The following EML1 variants were observed in gnomAD, a reference collection of about 807,000 sequenced individuals.
The protein encoded by EML1 is echinoderm microtubule-associated protein-like 1.
EML1 carries 27 observed loss-of-function variants against 110.4 expected under a neutral mutation model. The ratio of observed to expected loss-of-function variants is 0.24; its 90% CI spans 0.18 to 0.34. EML1 has a LOEUF of 0.34. EML1 is among the 10% of genes least tolerant of loss of function. EML1 has a pLI of 1.00. For missense variants in EML1, 741 were observed against 1,030.9 expected (o/e 0.72, Z 3.85); for synonymous variants, 344 against 385.8 (o/e 0.89, Z 1.27).
intron 1 of EML1, among the ~76,000 whole-genome samples, chr14:99,754,265 C>A (rs1566849899): frequency 5.9e-5 from 9 of 152,260 alleles, no homozygotes; most frequent in Admixed American, 5.9e-4. Flanking sequence ...TCATCTTAAT[C>A]CTGTCTCAGG....
upstream of EML1, chr14:99,792,884 G>C (rs1486356375): frequency 2.6e-5 from 4 of 152,282 alleles, no homozygotes; most frequent in Non-Finnish European, 5.9e-5. Context: ...GTGAGCCGCG[G>C]CGTGGAAACG....
At chr14:99,883,458 G>A (rs2059421977) in intron 4 of EML1, 1 of 151,502 alleles carries the variant, frequency 6.6e-6, no homozygotes, top group Non-Finnish European at 1.5e-5. Context: ...TCGAGCCTGG[G>A]AGGCTGAGAC....
intron 1 of EML1, among the ~76,000 whole-genome samples, chr14:99,848,520 AT>A (rs989235232): frequency 6.6e-6 from 1 of 152,194 alleles, no homozygotes; most frequent in Admixed American, 6.5e-5. Flanking sequence ...GCCACTTATA[AT>A]TAATGACATA....
At chr14:99,771,132 G>C (rs2140202439), upstream of EML1, among the ~76,000 whole-genome samples, 1 of 152,232 alleles carries the variant, frequency 6.6e-6, no homozygotes, top group African/African-American at 2.4e-5. Flanking sequence ...ACTAGATGCT[G>C]ACTTTTGCAG....
intron 1 of EML1, among the ~76,000 whole-genome samples, chr14:99,801,846 C>G (rs1361249229): frequency 6.6e-6 from 1 of 152,176 alleles, no homozygotes; most frequent in Non-Finnish European, 1.5e-5. Context: ...TTTAAACAAG[C>G]ACTCAAGTAC....
chr14:99,921,521 T>C (rs1391061547), intron 17 of EML1, among the ~76,000 whole-genome samples: 1 of 152,168 alleles, frequency 6.6e-6, no homozygotes, highest in East Asian at 1.9e-4. Context: ...GCTTGTGTTA[T>C]GGAAAATTTC....
chr14:99,803,872 C>T (rs557489300), intron 1 of EML1, among the ~76,000 whole-genome samples: 1 of 152,306 alleles, frequency 6.6e-6, no homozygotes, highest in South Asian at 2.1e-4. Context: ...GCACTTTAGC[C>T]CCAGCTGTCT....
chr14:99,892,482 C>T (rs1354806894), intron 5 of EML1, among the ~76,000 whole-genome samples: 1 of 152,120 alleles, frequency 6.6e-6, no homozygotes, highest in African/African-American at 2.4e-5. Flanking sequence ...GGATGTCCCA[C>T]TGTTTGACTT....
At chr14:99,897,480 A>G (rs2059690965) in intron 7 of EML1, among the ~76,000 whole-genome samples, 186 bp downstream of exon 7, 1 of 152,228 alleles carries the variant, frequency 6.6e-6, no homozygotes. Flanking sequence ...GTATTGGGAC[A>G]TAACTAAAGA....
At chr14:99,808,142 T>G (rs2058012065) in intron 1 of EML1, among the ~76,000 whole-genome samples, 1 of 152,214 alleles carries the variant, frequency 6.6e-6, no homozygotes, top group Admixed American at 6.5e-5. Context: ...CTGGTTTCCC[T>G]CTGCCCTGCA....
intron 17 of EML1, among the ~76,000 whole-genome samples, chr14:99,925,681 C>T (rs887709529): frequency 3.3e-5 from 5 of 152,190 alleles, no homozygotes; most frequent in African/African-American, 9.7e-5. Context: ...AAGTTCAGGC[C>T]GTTTCCATGT....
chr14:99,771,213 C>T (rs1397159925), upstream of EML1, among the ~76,000 whole-genome samples: 1 of 152,160 alleles, frequency 6.6e-6, no homozygotes, highest in Non-Finnish European at 1.5e-5. Context: ...AAAAAGACCC[C>T]ATACCCATTA....
At chr14:99,853,877 G>A (rs1325591610) in intron 2 of EML1, among the ~76,000 whole-genome samples, 5 of 152,172 alleles carry the variant, frequency 3.3e-5, no homozygotes, top group South Asian at 2.1e-4. Flanking sequence ...CACCATGTTG[G>A]CCAGGCCGGT....
intron 1 of EML1, among the ~76,000 whole-genome samples, chr14:99,841,145 G>A (rs987516843): frequency 6.6e-6 from 1 of 152,192 alleles, no homozygotes; most frequent in Non-Finnish European, 1.5e-5. Context: ...AAGTGGGAGG[G>A]CTCGTGTGGC....
chr14:99,885,388 G>A (rs992245949), intron 4 of EML1, among the ~76,000 whole-genome samples: 6 of 152,192 alleles, frequency 3.9e-5, no homozygotes, highest in African/African-American at 1.4e-4. Context: ...AAATATTGGT[G>A]TATCTAAACA....
rs967391724 is a variant in EML1, at chr14:99,939,277, G to A, written c.2272G>A (p.Asp758Asn). 1.9e-6 allele frequency: 3 copies of A among 1,614,208 alleles called. No homozygotes were observed. The highest frequency in any genetic ancestry group is 1.3e-5 in the African/African-American group (1 of 75,048). The change falls in exon 21 of 22, where the codon GAC becomes AAC. Residue 758 changes from aspartate (D) to asparagine (N), a missense_variant. By Grantham distance (23) the Asp-to-Asn change is conservative. Coordinates refer to ENST00000262233, the MANE Select transcript of EML1 (RefSeq NM_004434.3). The surrounding 1 kb of genome is among the most constrained non-coding windows in gnomAD (Gnocchi z 4.2). ...TGAGAAGAAACTCCTGTCAACAGGC[G>A]ACGACTTTGGCAAAGTGCACCTCTT... is the stretch of plus-strand genomic sequence containing the variant. ...AHEKKLLSTGDDFGKVHLFSY... is the reference protein window; with the variant it reads ...AHEKKLLSTGNDFGKVHLFSY...
Position 99,897,311 on chromosome 14 carries a change from G to A in EML1, c.827+17G>A. ...CGTGAAGTGGTAAGTCCTGAAACAG[G>A]TCATTCCTGCGACTCAGAAGGCGAA... On this transcript the variant is annotated intron_variant, in intron 7 of 21. Transcript: ENST00000262233. The A allele has an allele frequency of 6.3e-7, 1 of 1,575,712 alleles. No individual in the cohort carries two copies.
chr14:99,864,315 T>G (rs145197843), intron 2 of EML1, among the ~76,000 whole-genome samples: 73 of 152,370 alleles, frequency 4.8e-4, no homozygotes, highest in African/African-American at 1.6e-3. Context: ...CTTAAGTTCT[T>G]TTGCAAATTT....
chr14:99,925,924 C>G (rs1212347283), intron 17 of EML1, among the ~76,000 whole-genome samples: 1 of 152,178 alleles, frequency 6.6e-6, no homozygotes, highest in African/African-American at 2.4e-5. Flanking sequence ...CACTTCCATC[C>G]CAGTGCTACT....
Sources: gnomAD v4.1 joint callset for allele counts (sites outside exome capture counted in the v4.1 genomes callset) on GRCh38, gnomAD v4.1.1 for gene constraint, Gnocchi (gnomAD v3.1) non-coding constraint, MANE v1.5 for transcripts, NCBI Gene and HGNC (gene_info 2026-07-23, HGNC 2026-07-21) for gene names.